Variants in PTPRN2 observed in about 807,000 individuals in gnomAD.
The protein encoded by PTPRN2 is receptor-type tyrosine-protein phosphatase N2.
In PTPRN2, 74 loss-of-function variants were observed where a neutral mutation model predicts 118.8. The ratio of observed to expected loss-of-function variants is 0.62; its 90% CI spans 0.52 to 0.76. PTPRN2 has a LOEUF of 0.76. Ranked by LOEUF, PTPRN2 falls within the 30% of genes least tolerant of loss-of-function variation. PTPRN2 has a pLI of 0.00. For synonymous variants in PTPRN2, 641 were observed against 608.0 expected, an observed-to-expected ratio of 1.05 and a Z score of -0.80; for missense variants, 1,481 against 1,394.4, an observed-to-expected ratio of 1.06 and a Z score of -0.99.
chr7:157,696,247 A>T (rs75420940), intron 12 of PTPRN2, among the ~76,000 whole-genome samples: 1 of 106,654 alleles, frequency 9.4e-6, no homozygotes, highest in African/African-American at 3.7e-5. Flanking sequence ...TGCATACTGG[A>T]TCTTAGTAGA....
At chr7:158,319,527 T>TCACACACACACAGCCTCCCTCA (rs137902491) in intron 2 of PTPRN2, among the ~76,000 whole-genome samples, 1 of 34,938 alleles carries the variant, frequency 2.9e-5, no homozygotes. Flanking sequence ...ACAGCCTCCC[T>TCACACACACACAGCCTCCCTCA]CACACACACA....
At chr7:158,494,950 G>A (rs577862044) in intron 1 of PTPRN2, among the ~76,000 whole-genome samples, 5 of 152,114 alleles carry the variant, frequency 3.3e-5, no homozygotes, top group South Asian at 2.1e-4. Context: ...AGCCTCCCCC[G>A]CTCTTCAGAG....
At chr7:157,743,368 ACG>A (rs1272433654) in intron 12 of PTPRN2, among the ~76,000 whole-genome samples, 6 of 152,194 alleles carry the variant, frequency 3.9e-5, no homozygotes, top group Non-Finnish European at 8.8e-5. Context: ...CTGTCTGCTC[ACG>A]GTGGGACCAG....
chr7:158,138,249 C>T lies in PTPRN2; in HGVS notation c.1132+45G>A. Reference sequence around the variant, plus strand: ...TCTGCACAGCCCTGAGGCCTCCCCTCCCCGCAGCACCCCTGGGTGTGGGCA... The same window carrying T: ...TCTGCACAGCCCTGAGGCCTCCCCTTCCCGCAGCACCCCTGGGTGTGGGCA... On this transcript the variant is annotated intron_variant, in intron 7 of 22. Transcript: ENST00000389418. 2.5e-6 allele frequency: 4 copies of T among 1,577,382 alleles called. 1 individual carries two copies. In the South Asian group the frequency reaches 3.4e-5, roughly 14 times the overall value.
chr7:158,554,369 T>G (rs1209258873), intron 1 of PTPRN2, among the ~76,000 whole-genome samples: 1 of 152,204 alleles, frequency 6.6e-6, no homozygotes, highest in East Asian at 1.9e-4. Context: ...GGTTGGTTGT[T>G]TAGGGCACTG....
intron 18 of PTPRN2, among the ~76,000 whole-genome samples, chr7:157,577,796 G>A (rs1800134292): frequency 6.6e-6 from 1 of 152,164 alleles, no homozygotes. Context: ...CGGGCATGCG[G>A]CCCTCGGGGG....
chr7:158,483,540 G>A (rs1820789133), intron 2 of PTPRN2, among the ~76,000 whole-genome samples: 1 of 152,194 alleles, frequency 6.6e-6, no homozygotes, highest in Non-Finnish European at 1.5e-5. Flanking sequence ...TGCAATGGGA[G>A]GTGATTGTTT....
intron 11 of PTPRN2, among the ~76,000 whole-genome samples, chr7:157,957,506 C>A (rs1420933830): frequency 4.6e-5 from 7 of 152,040 alleles, no homozygotes; most frequent in Non-Finnish European, 8.8e-5. Context: ...CAAAATAAAT[C>A]ATCAATTAAT....
intron 2 of PTPRN2, among the ~76,000 whole-genome samples, chr7:158,425,835 G>A (rs1815700852): frequency 7.4e-6 from 1 of 134,904 alleles, no homozygotes; most frequent in African/African-American, 3.1e-5. Flanking sequence ...CAGCCTAGCT[G>A]AGGCCTGCGC....
At chr7:157,680,883 A>T (rs1281067645) in intron 13 of PTPRN2, among the ~76,000 whole-genome samples, 1 of 152,190 alleles carries the variant, frequency 6.6e-6, no homozygotes, top group Admixed American at 6.5e-5. Flanking sequence ...GATTCTTATT[A>T]AACAAACCGG....
At chr7:157,636,419 C>A (rs1023590883) in intron 14 of PTPRN2, among the ~76,000 whole-genome samples, 1 of 152,098 alleles carries the variant, frequency 6.6e-6, no homozygotes, top group Admixed American at 6.5e-5. Context: ...TTAAAAAAAA[C>A]AACAACAACA....
At chr7:157,901,043 G>T (rs985329740) in intron 11 of PTPRN2, among the ~76,000 whole-genome samples, 2 of 152,240 alleles carry the variant, frequency 1.3e-5, no homozygotes, top group African/African-American at 2.4e-5. Context: ...GCCCCAGGCT[G>T]CTTCCACTTG....
intron 3 of PTPRN2, among the ~76,000 whole-genome samples, chr7:158,296,730 G>A (rs142006612): frequency 3.4e-4 from 52 of 152,324 alleles, no homozygotes; most frequent in East Asian, 2.5e-3. Context: ...TCCATCGCAC[G>A]CCCTGTGAGG....
At chr7:158,056,152 G>A (rs1051750413) in intron 11 of PTPRN2, among the ~76,000 whole-genome samples, 2 of 152,202 alleles carry the variant, frequency 1.3e-5, no homozygotes, top group African/African-American at 4.8e-5. Flanking sequence ...TCCTGCCTTC[G>A]TATTGGCCTT....
At chr7:158,333,455 C>G (rs1373067793) in intron 2 of PTPRN2, among the ~76,000 whole-genome samples, 9 of 147,178 alleles carry the variant, frequency 6.1e-5, no homozygotes, top group Non-Finnish European at 1.2e-4. Flanking sequence ...AGACGTCTCT[C>G]ACACCCACAC....
At chr7:157,710,396 C>G (rs886594135) in intron 12 of PTPRN2, among the ~76,000 whole-genome samples, 1 of 152,052 alleles carries the variant, frequency 6.6e-6, no homozygotes, top group African/African-American at 2.4e-5. Context: ...ATTACTTGGG[C>G]CTAGAGTTTC....
chr7:158,441,756 T>C (rs1817293318), intron 2 of PTPRN2, among the ~76,000 whole-genome samples: 1 of 141,980 alleles, frequency 7.0e-6, no homozygotes, highest in African/African-American at 2.7e-5. Context: ...GTGATAGTGA[T>C]AGTGATGGTC....
chr7:158,016,544 G>A (rs553371661), intron 11 of PTPRN2, among the ~76,000 whole-genome samples: 1 of 152,276 alleles, frequency 6.6e-6, no homozygotes, highest in South Asian at 2.1e-4. Flanking sequence ...CAGACCCAAC[G>A]GTCTCCATGG....
At chr7:157,589,145 C>G (rs941182323) in intron 17 of PTPRN2, among the ~76,000 whole-genome samples, 4 of 152,170 alleles carry the variant, frequency 2.6e-5, no homozygotes, top group African/African-American at 7.2e-5. Flanking sequence ...GCTACTACCC[C>G]CTAGATTCAT....
Sources: allele counts gnomAD v4.1 joint callset (sites outside exome capture counted in the v4.1 genomes callset), GRCh38; gene constraint gnomAD v4.1.1; transcripts MANE v1.5; gene names NCBI Gene and HGNC (gene_info 2026-07-23, HGNC 2026-07-21).